PHLDB3: variants seen among roughly 807,000 people sequenced by gnomAD.
The protein encoded by PHLDB3 is pleckstrin homology-like domain family B member 3.
PHLDB3 carries 86 observed loss-of-function variants against 85.7 expected under a neutral mutation model. The observed-to-expected ratio is 1.00, with a 90% CI of 0.84 to 1.20. The LOEUF (loss-of-function observed/expected upper bound fraction) is 1.20, where lower values mean the gene tolerates loss of function less well. PHLDB3 is among the 50% of genes most tolerant of loss of function. The probability of loss-of-function intolerance (pLI) is 0.00; values close to 1 mark genes in which losing one functional copy is unlikely to be tolerated. For synonymous variants in PHLDB3, 376 were observed against 349.8 expected (o/e 1.07, Z -0.83); for missense variants, 995 against 873.0 (o/e 1.14, Z -1.76).
rs775015233 is a variant in PHLDB3 at position 43,494,712 on chromosome 19, C to T, written c.1139G>A (p.Ser380Asn). 6.2e-7 allele frequency: 1 copy of T among 1,611,382 alleles called. No homozygotes were observed. The highest frequency in any genetic ancestry group is 1.3e-5 in the African/African-American group (1 of 74,958). The part of the protein sequence containing the change: ...PTSSCLFSVH[S>N]SLQGSIGLQR... The stretch of plus-strand genomic sequence containing the variant: ...CCGTGGGGGAGGCACCTGCAGGGAG[C>T]TGTGGACAGAAAAGAGGCAGGAAGA... Residue 380 changes from serine to asparagine, a missense_variant, in exon 9 of 16, where the codon AGC becomes AAC. By Grantham distance (46) the Ser-to-Asn change is conservative. Coordinates refer to ENST00000292140, the MANE Select transcript of PHLDB3 (RefSeq NM_198850.4).
chr19:43,477,329 G>T (rs995246785), intron 15 of PHLDB3, among the ~76,000 whole-genome samples: 3 of 148,780 alleles, frequency 2.0e-5, no homozygotes, highest in African/African-American at 7.8e-5. Flanking sequence ...GACCAGCCTG[G>T]CCAACACAGT....
chr19:43,482,547 T>TGTTG (rs1435102865), intron 13 of PHLDB3, among the ~76,000 whole-genome samples: 1 of 152,128 alleles, frequency 6.6e-6, no homozygotes, highest in African/African-American at 2.4e-5. Context: ...TTTGTTTGTT[T>TGTTG]GTTTGTTTTG....
Position 43,497,879 on chromosome 19 carries a change from G to C in PHLDB3, c.535-3C>G. 1 of 1,589,968 alleles carries C rather than the reference G, an allele frequency of 6.3e-7. No individual in the cohort carries two copies. The highest frequency in any genetic ancestry group is 8.6e-7 in the Non-Finnish European group (1 of 1,168,896). ...TCCTGGCTCAGCCGCCTCTGTTCCTGAAAGAACAACAAGGTTCTCACCCTC... is the reference window on the plus strand; with the variant it reads ...TCCTGGCTCAGCCGCCTCTGTTCCTCAAAGAACAACAAGGTTCTCACCCTC... On this transcript the variant is annotated splice_region_variant and splice_polypyrimidine_tract_variant and intron_variant, in intron 4 of 15. Coordinates refer to ENST00000292140, the MANE Select transcript of PHLDB3 (RefSeq NM_198850.4).
chr19:43,496,479 C>T (rs1971460361), intron 6 of PHLDB3: 1 of 152,138 alleles, frequency 6.6e-6, no homozygotes, highest in Admixed American at 6.6e-5. Context: ...GTGGTGAATA[C>T]CAAGTTTGTT....
chr19:43,492,009 G>A (rs1971329726), intron 9 of PHLDB3, among the ~76,000 whole-genome samples: 1 of 148,130 alleles, frequency 6.8e-6, no homozygotes, highest in Non-Finnish European at 1.5e-5. Flanking sequence ...AGGCTGGAGA[G>A]CAGTGGCATG....
At chr19:43,485,142 T>C (rs894536197) in intron 13 of PHLDB3, among the ~76,000 whole-genome samples, 1 of 151,492 alleles carries the variant, frequency 6.6e-6, no homozygotes, top group Non-Finnish European at 1.5e-5. Flanking sequence ...AGCTGCGCAG[T>C]GGGCACCTGG....
chr19:43,492,733 C>T (rs533823114), intron 9 of PHLDB3, among the ~76,000 whole-genome samples: 2 of 152,018 alleles, frequency 1.3e-5, no homozygotes. Context: ...CTTAACCTCT[C>T]TTGGTGTTTT....
chr19:43,484,104 A>C (rs934817651), intron 13 of PHLDB3, among the ~76,000 whole-genome samples: 1 of 151,962 alleles, frequency 6.6e-6, no homozygotes, highest in Non-Finnish European at 1.5e-5. Flanking sequence ...ATACAAAATT[A>C]GCCAGGCATG....
chr19:43,479,519 G>C lies in PHLDB3; in HGVS notation c.1560C>G (p.His520Gln). The change falls in exon 14 of 16, where the codon CAC (histidine) becomes CAG (glutamine). Residue 520 changes from histidine to glutamine, a missense_variant. Transcript: ENST00000292140. ...GCACATGTGGGCAGTTTTCCGGGTT[G>C]TGGCCCCATCCCTCCAGATGCTGCC... The part of the protein sequence containing the change: ...DLRQHLEGWG[H>Q]NPENCPHVQV... 1 of 1,553,838 alleles carries C rather than the reference G, an allele frequency of 6.4e-7. No individual in the cohort carries two copies. The highest frequency in any genetic ancestry group is 8.7e-7 in the Non-Finnish European group (1 of 1,148,504).
chr19:43,501,898 G>A (rs1175491308), intron 3 of PHLDB3, 27 bp from the exon 4 acceptor site: 2 of 1,563,114 alleles, frequency 1.3e-6, no homozygotes, highest in Non-Finnish European at 1.7e-6. Context: ...AGGGCTGGGG[G>A]CTCGGACGCC....
Position 43,495,579 on chromosome 19 carries a change from C to G in PHLDB3, c.867G>C (p.Gln289His). The G allele has an allele frequency of 2.5e-6, 4 of 1,610,592 alleles. No homozygotes were observed. Among genetic ancestry groups the G allele is most frequent in the Non-Finnish European group, 3.4e-6 (4 of 1,178,556 alleles). Residue 289 changes from glutamine to histidine, a missense_variant, in exon 7 of 16, where the codon CAG becomes CAC. Physicochemically the swap from Gln to His is conservative, Grantham distance 24 (BLOSUM62 0). Coordinates refer to ENST00000292140, the MANE Select transcript of PHLDB3 (RefSeq NM_198850.4). ...LQHRIRVLEE[Q>H]LKSLGEQMAA... is the part of the protein sequence containing the mutation. ...CCATCTGCTCCCCCAGTGACTTGAG[C>G]TGCTCTTCCAGGACCCGGATCCGGT... is the stretch of plus-strand genomic sequence containing the variant.
chr19:43,479,515 G>C lies in PHLDB3; in HGVS notation c.1564C>G (p.Pro522Ala), dbSNP rs774362723. The change falls in exon 14 of 16, where the codon CCG becomes GCG. Residue 522 changes from proline to alanine, a missense_variant. Pro to Ala is a conservative substitution (Grantham distance 27). Coordinates refer to ENST00000292140, the MANE Select transcript of PHLDB3 (RefSeq NM_198850.4). ...ACCTGCACATGTGGGCAGTTTTCCGGGTTGTGGCCCCATCCCTCCAGATGC... is the reference window on the plus strand; with the variant it reads ...ACCTGCACATGTGGGCAGTTTTCCGCGTTGTGGCCCCATCCCTCCAGATGC... ...RQHLEGWGHN[P>A]ENCPHVQVSG... The C allele has an allele frequency of 1.4e-5, 22 of 1,550,252 alleles. No individual in the cohort carries two copies. Among genetic ancestry groups the C allele is most frequent in the Non-Finnish European group, 8.7e-6 (10 of 1,146,200 alleles).
intron 3 of PHLDB3, 43 bp downstream of exon 3, chr19:43,502,058 G>T: frequency 6.5e-7 from 1 of 1,539,716 alleles, no homozygotes; most frequent in Non-Finnish European, 8.8e-7. Context: ...TGCGGGTTCC[G>T]CTTGAGTTGG....
chr19:43,480,356 T>C lies in PHLDB3; in HGVS notation c.1486-763A>G, dbSNP rs181314968. ...CTGTAATCTCAGCACTTTGGGAAGC[T>C]GAAGTGGGAGGATCACTTGAGGCTA... is the stretch of plus-strand genomic sequence containing the variant. On this transcript the variant is annotated intron_variant, in intron 13 of 15. Coordinates refer to ENST00000292140, the MANE Select transcript of PHLDB3 (RefSeq NM_198850.4). Among the ~76,000 whole-genome samples the C allele has an allele frequency of 1.4e-4, 21 of 149,346 alleles. No homozygotes were observed. In the East Asian group the frequency reaches 3.0e-3, roughly 21 times the overall value.
In PHLDB3 at chr19:43,475,423, T is replaced by C. The variant is rs750810635; in HGVS notation, c.1910A>G (p.Asn637Ser). Residue 637 changes from asparagine to serine, a missense_variant, in exon 16 of 16, where the codon AAC becomes AGC. Asn to Ser is a conservative substitution (Grantham distance 46). Coordinates refer to ENST00000292140, the MANE Select transcript of PHLDB3 (RefSeq NM_198850.4). Reference sequence around the variant, plus strand: ...GGGCGGGGCCACTCAGGGGGCGTGGTTTTCGTCAGCGGCGGTCACGATGAC... The same window carrying C: ...GGGCGGGGCCACTCAGGGGGCGTGGCTTTCGTCAGCGGCGGTCACGATGAC... ...MDVIVTAADE[N>S]HAP 4.6e-5 allele frequency: 74 copies of C among 1,613,446 alleles called. No individual in the cohort carries two copies. Among genetic ancestry groups the C allele is most frequent in the African/African-American group, 1.1e-4 (8 of 74,868 alleles).
At chr19:43,490,713 T>C (rs1298748213) in intron 9 of PHLDB3, among the ~76,000 whole-genome samples, 1 of 152,158 alleles carries the variant, frequency 6.6e-6, no homozygotes, top group Non-Finnish European at 1.5e-5. Flanking sequence ...AGATATTAGA[T>C]ACTTGGCACT....
At position 43,475,533 on chromosome 19, in the gene PHLDB3, G is replaced by C. The variant is rs1261665163; in HGVS notation, c.1800C>G (p.Pro600=). The stretch of plus-strand genomic sequence containing the variant: ...AGGTTTTGACGCAGAAGGTCAGGCG[G>C]GGGTTGGGGCTCTGGAATAAGCAGA... The part of the protein sequence containing the change: ...HLRCAFKSPN[P]RLTFCVKTYE... The change falls in exon 16 of 16, where the codon CCC becomes CCG. Residue 600 remains proline (P), a synonymous_variant. Transcript: ENST00000292140. The C allele has an allele frequency of 5.0e-6, 8 of 1,613,942 alleles. No homozygotes were observed. The highest frequency in any genetic ancestry group is 1.7e-4 in the Middle Eastern group (1 of 6,060).
intron 15 of PHLDB3, among the ~76,000 whole-genome samples, chr19:43,476,489 T>A (rs1014924690): frequency 1.3e-5 from 2 of 151,690 alleles, no homozygotes; most frequent in Non-Finnish European, 2.9e-5. Flanking sequence ...TACAAAAAAA[T>A]ACCAGAAAAA....
rs1970911552 is a variant in PHLDB3 at position 43,475,596 on chromosome 19, T to G, written c.1789-52A>C. The G allele has an allele frequency of 5.6e-6, 9 of 1,609,514 alleles. No homozygotes were observed. In the Admixed American group the frequency reaches 1.5e-4, roughly 27 times the overall value. On this transcript the variant is annotated intron_variant, in intron 15 of 15. Transcript: ENST00000292140. ...TTCAGACAAAAGACACCGGCCACAG[T>G]CTGGGTGCGAACCCAGCCTTGCTAC...
Sources: allele counts gnomAD v4.1 joint callset (sites outside exome capture counted in the v4.1 genomes callset), GRCh38; gene constraint gnomAD v4.1.1; transcripts MANE v1.5; gene names NCBI Gene and HGNC (gene_info 2026-07-23, HGNC 2026-07-21).